IGSF21: variants seen among roughly 807,000 people sequenced by gnomAD.
The protein encoded by IGSF21 is immunoglobulin superfamily member 21.
In IGSF21, 28 loss-of-function variants were observed where a neutral mutation model predicts 46.8. That is an observed-to-expected ratio of 0.60 (90% CI 0.44 to 0.82). The LOEUF is 0.82. Among genes scored for constraint, IGSF21 ranks in the 40% least tolerant of loss-of-function variants. IGSF21 has a pLI of 0.00. For synonymous variants in IGSF21, 284 were observed against 273.6 expected, an observed-to-expected ratio of 1.04 and a Z score of -0.38; for missense variants, 624 against 665.5, an observed-to-expected ratio of 0.94 and a Z score of 0.69.
At chr1:18,375,994 A>G in intron 6 of IGSF21, 1 of 261,534 alleles carries the variant, frequency 3.8e-6, no homozygotes, top group Non-Finnish European at 7.8e-6. Flanking sequence ...CTTGTCCCTC[A>G]TGGCACTGGC....
At chr1:18,358,119 C>T (rs1335746015) in intron 4 of IGSF21, among the ~76,000 whole-genome samples, 1 of 151,608 alleles carries the variant, frequency 6.6e-6, no homozygotes, top group East Asian at 1.9e-4. Context: ...GAATCCTAGC[C>T]AGGATTTGGA....
chr1:18,239,369 G>A (rs1049654336), intron 2 of IGSF21, among the ~76,000 whole-genome samples: 21 of 151,938 alleles, frequency 1.4e-4, no homozygotes, highest in Admixed American at 1.2e-3. Flanking sequence ...GCTCCCACAG[G>A]GCAGGCAGTC....
intron 2 of IGSF21, among the ~76,000 whole-genome samples, chr1:18,282,669 C>CAT (rs2124557328): frequency 6.6e-6 from 1 of 151,228 alleles, no homozygotes; most frequent in East Asian, 1.9e-4. Context: ...CACACACACA[C>CAT]ACAAACACAC....
At chr1:18,188,272 T>A (rs1266689503) in intron 1 of IGSF21, among the ~76,000 whole-genome samples, 2 of 152,208 alleles carry the variant, frequency 1.3e-5, no homozygotes, top group African/African-American at 4.8e-5. Flanking sequence ...TCCCCTGCTG[T>A]GAAGTATTGC....
chr1:18,108,195 C>A lies in IGSF21; in HGVS notation c.67C>A (p.Arg23Ser). The part of the protein sequence containing the change: ...LLLAAILDLA[R>S]GYLTVNIEPL... ...GCTCGCCGCGATCCTGGACCTGGCGCGCGGTGAGTGCGCGGGCGCCTGGCG... is the reference window on the plus strand; with the variant it reads ...GCTCGCCGCGATCCTGGACCTGGCGAGCGGTGAGTGCGCGGGCGCCTGGCG... The change falls in exon 1 of 10, where the codon CGC becomes AGC. Residue 23 changes from arginine (R) to serine (S), a missense_variant. Arg to Ser is a moderately radical substitution (Grantham distance 110). Transcript: ENST00000251296. The A allele has an allele frequency of 7.0e-7, 1 of 1,429,060 alleles. No homozygotes were observed. The highest frequency in any genetic ancestry group is 9.2e-7 in the Non-Finnish European group (1 of 1,092,842). The allele number at this position is 1,429,060 out of a possible 1,614,324, so 88.5% of individuals were successfully genotyped here. A position where few individuals can be genotyped will look rare whatever the true frequency, so the allele number is the denominator to read the frequency against.
chr1:18,223,050 G>A (rs1396268543), intron 1 of IGSF21, among the ~76,000 whole-genome samples: 1 of 152,158 alleles, frequency 6.6e-6, no homozygotes, highest in South Asian at 2.1e-4. Context: ...CTGAGACTTA[G>A]ACCCCACACA....
rs999415896 is a variant in IGSF21, at chr1:18,376,998, G to A, written c.1294+6G>A. 1 of 1,585,136 alleles carries A rather than the reference G, an allele frequency of 6.3e-7. No homozygotes were observed. The highest frequency in any genetic ancestry group is 8.6e-7 in the Non-Finnish European group (1 of 1,159,296). On this transcript the variant is annotated splice_donor_region_variant and intron_variant, in intron 8 of 9. Coordinates refer to ENST00000251296, the MANE Select transcript of IGSF21 (RefSeq NM_032880.5). ...CACCCGGCTCATCGTGTTTGGTATG[G>A]CGCGCTCAACTGGGGACTGGGAGAA...
chr1:18,313,754 G>A (rs911149577), intron 3 of IGSF21, among the ~76,000 whole-genome samples: 5 of 152,156 alleles, frequency 3.3e-5, no homozygotes, highest in Non-Finnish European at 7.3e-5. Context: ...CCGAGTGCTT[G>A]CCTGAGTCCA....
chr1:18,176,548 A>G (rs761823115), intron 1 of IGSF21, among the ~76,000 whole-genome samples: 5 of 152,212 alleles, frequency 3.3e-5, no homozygotes, highest in Middle Eastern at 3.2e-3. Context: ...ATCTCTTGGC[A>G]CATAGCAGAT....
chr1:18,246,627 C>T (rs904815173), intron 2 of IGSF21, among the ~76,000 whole-genome samples: 1 of 152,140 alleles, frequency 6.6e-6, no homozygotes. Flanking sequence ...GGAGCTAGCT[C>T]GGTATGTGCT....
At position 18,367,603 on chromosome 1, in the gene IGSF21, C is replaced by CTTTT. The variant is rs35019096; in HGVS notation, c.1015+1925_1015+1928dup. Among the ~76,000 whole-genome samples, 70 of 73,958 alleles carry CTTTT rather than the reference C, an allele frequency of 9.5e-4. 1 individual carries two copies. The highest frequency in any genetic ancestry group is 2.1e-3 in the African/African-American group (42 of 20,414). The allele number at this position is 73,958 out of a possible 152,430, so 48.5% of individuals were successfully genotyped here. ...GACCTTTGATATTCTCTCTCTCTCT[C>CTTTT]TTTTTTTTTTTTTTTTTTTTTTGAC... is the stretch of plus-strand genomic sequence containing the variant. On this transcript the variant is annotated intron_variant, in intron 6 of 9. Transcript: ENST00000251296.
chr1:18,357,376 G>A (rs983372815), intron 4 of IGSF21, among the ~76,000 whole-genome samples: 9 of 149,040 alleles, frequency 6.0e-5, no homozygotes, highest in African/African-American at 2.2e-4. Context: ...GATGAATTGG[G>A]GAAAGGGATG....
At chr1:18,292,991 C>G (rs149300029) in intron 3 of IGSF21, among the ~76,000 whole-genome samples, 69 of 152,336 alleles carry the variant, frequency 4.5e-4, no homozygotes, top group Non-Finnish European at 9.0e-4. Context: ...GCATCGGGTA[C>G]CGTGAGGGGG....
chr1:18,248,715 T>C (rs1055609850), intron 2 of IGSF21, among the ~76,000 whole-genome samples: 2 of 152,154 alleles, frequency 1.3e-5, no homozygotes, highest in African/African-American at 4.8e-5. Flanking sequence ...ACACCATTCC[T>C]TTACTTAACA....
At chr1:18,287,135 C>T (rs1332603503) in intron 2 of IGSF21, among the ~76,000 whole-genome samples, 3 of 146,844 alleles carry the variant, frequency 2.0e-5, no homozygotes, top group South Asian at 2.2e-4. Context: ...GAGCCGAGAT[C>T]GCGCCACTGC....
At chr1:18,164,980 C>T (rs369769314) in intron 1 of IGSF21, among the ~76,000 whole-genome samples, 5 of 146,910 alleles carry the variant, frequency 3.4e-5, no homozygotes, top group East Asian at 2.0e-4. Flanking sequence ...TGAGAACATG[C>T]GGTGTTTGGT....
intron 4 of IGSF21, among the ~76,000 whole-genome samples, chr1:18,350,890 G>C (rs890431686): frequency 1.3e-5 from 2 of 152,160 alleles, no homozygotes; most frequent in African/African-American, 4.8e-5. Flanking sequence ...GGAGTGCGGT[G>C]GGGGGTAGGG....
intron 2 of IGSF21, among the ~76,000 whole-genome samples, chr1:18,244,231 G>A (rs1467709694): frequency 6.6e-6 from 1 of 152,228 alleles, no homozygotes; most frequent in Non-Finnish European, 1.5e-5. Context: ...TCCATGCATT[G>A]CCCCCGGTCG....
chr1:18,224,288 G>A (rs1386690787), intron 1 of IGSF21, among the ~76,000 whole-genome samples: 1 of 152,120 alleles, frequency 6.6e-6, no homozygotes, highest in African/African-American at 2.4e-5. Flanking sequence ...AGGGTCACAA[G>A]GCACTGTGAG....
Sources: gnomAD v4.1 joint callset for allele counts (sites outside exome capture counted in the v4.1 genomes callset) on GRCh38, gnomAD v4.1.1 for gene constraint, MANE v1.5 for transcripts, NCBI Gene and HGNC (gene_info 2026-07-23, HGNC 2026-07-21) for gene names.